The following NCOR2 variants were observed in gnomAD, a reference collection of about 807,000 sequenced individuals.
The protein encoded by NCOR2 is CTG repeat protein 26.
In NCOR2, 81 loss-of-function variants were observed where a neutral mutation model predicts 262.9. That is an observed-to-expected ratio of 0.31 (90% CI 0.26 to 0.37). NCOR2 has a LOEUF of 0.37. Ranked by LOEUF, NCOR2 falls within the 10% of genes least tolerant of loss-of-function variation. The pLI, the probability that NCOR2 is intolerant of heterozygous loss-of-function variation, is 1.00. For missense variants in NCOR2, 3,385 were observed against 3,621.4 expected (o/e 0.93, Z 1.68); for synonymous variants, 1,659 against 1,559.3 (o/e 1.06, Z -1.51).
At chr12:124,519,501 C>G (rs549553646) in intron 1 of NCOR2, among the ~76,000 whole-genome samples, 1 of 152,260 alleles carries the variant, frequency 6.6e-6, no homozygotes, top group African/African-American at 2.4e-5. Flanking sequence ...GGTCTGGAGG[C>G]TGGACCACGC....
exon 21 of NCOR2, chr12:124,363,780 T>C: frequency 1.5e-6 from 2 of 1,372,986 alleles, no homozygotes; most frequent in Non-Finnish European, 1.9e-6. Flanking sequence ...GTGAGGAGGC[T>C]GGGCCTTGGG....
At chr12:124,430,835 C>CCCG (rs2043868416) in intron 8 of NCOR2, 48 bp from the exon 11 acceptor site, 1 of 1,546,244 alleles carries the variant, frequency 6.5e-7, no homozygotes, top group Admixed American at 1.9e-5. Flanking sequence ...GCACCTGGCA[C>CCCG]CCGCCGCCTC....
intron 14 of NCOR2, among the ~76,000 whole-genome samples, chr12:124,402,068 C>A (rs181849809): frequency 1.3e-5 from 2 of 152,268 alleles, no homozygotes; most frequent in African/African-American, 4.8e-5. Flanking sequence ...GAGGAAAGAG[C>A]GGGAGGAAGC....
intron 37 of NCOR2, 122 bp downstream of exon 39, chr12:124,339,884 C>G (rs2660386): frequency 0.41 from 186,727 of 451,466 alleles, 55,498 homozygotes; most frequent in Admixed American, 0.53. Context: ...CTTCTACCCC[C>G]ACACATCTGC....
chr12:124,337,635 GC>G (rs1260605162), intron 37 of NCOR2, among the ~76,000 whole-genome samples: 1 of 152,222 alleles, frequency 6.6e-6, no homozygotes, highest in African/African-American at 2.4e-5. Context: ...ACATGAGGGA[GC>G]TGGGCCTGCT....
intron 12 of NCOR2, among the ~76,000 whole-genome samples, chr12:124,420,853 C>G (rs1381854253): frequency 1.3e-5 from 2 of 152,242 alleles, no homozygotes; most frequent in African/African-American, 4.8e-5. Context: ...TCTGTGAGGC[C>G]TCTGAGCTGG....
chr12:124,333,683 C>G (rs1301532255), intron 41 of NCOR2, among the ~76,000 whole-genome samples: 1 of 151,606 alleles, frequency 6.6e-6, no homozygotes, highest in Admixed American at 6.6e-5. Context: ...CACCAAAACG[C>G]CTCCTTCACC....
intron 1 of NCOR2, among the ~76,000 whole-genome samples, chr12:124,532,714 C>CCGATGGA (rs2050877035): frequency 6.6e-6 from 1 of 152,196 alleles, no homozygotes; most frequent in African/African-American, 2.4e-5. Flanking sequence ...GACGGAGACG[C>CCGATGGA]CGATGGACGG....
At chr12:124,420,150 T>C (rs1210532072) in intron 12 of NCOR2, 95 bp from the exon 15 acceptor site, 15 of 1,014,550 alleles carry the variant, frequency 1.5e-5, no homozygotes, top group Non-Finnish European at 2.3e-5. Context: ...ATCCTGCCTC[T>C]TCCACGTACC....
chr12:124,353,495 T>C (rs1457897126), intron 27 of NCOR2, among the ~76,000 whole-genome samples: 2 of 152,252 alleles, frequency 1.3e-5, no homozygotes, highest in Non-Finnish European at 2.9e-5. Flanking sequence ...GAAGCTCCAC[T>C]GTTAGAACAT....
At chr12:124,346,952 C>T in intron 30 of NCOR2, 102 bp from the exon 33 acceptor site, 1 of 1,329,100 alleles carries the variant, frequency 7.5e-7, no homozygotes. Context: ...GAGTTCAAAT[C>T]CCCACTTGCT....
At chr12:124,495,838 C>T (rs139537553), upstream of NCOR2, among the ~76,000 whole-genome samples, 5 of 152,330 alleles carry the variant, frequency 3.3e-5, no homozygotes, top group African/African-American at 4.8e-5. The surrounding 1 kb of genome is among the most constrained non-coding windows in gnomAD (Gnocchi z 4.4). Flanking sequence ...AGGCGGGCCA[C>T]GGGCCACAGG....
At chr12:124,535,166 C>T (rs182946230) in intron 1 of NCOR2, among the ~76,000 whole-genome samples, 7 of 152,228 alleles carry the variant, frequency 4.6e-5, no homozygotes, top group African/African-American at 1.7e-4. Context: ...ACCCAACACC[C>T]GAACACCTGG....
chr12:124,543,759 C>A (rs117468239), intron 1 of NCOR2, among the ~76,000 whole-genome samples: 39 of 152,304 alleles, frequency 2.6e-4, no homozygotes, highest in Non-Finnish European at 5.0e-4. Context: ...CGGGCCACGA[C>A]AGGGCAGGGA....
chr12:124,378,967 C>G lies in NCOR2; in HGVS notation c.2020-583G>C, dbSNP rs967789346. Among the ~76,000 whole-genome samples the G allele has an allele frequency of 4.0e-5, 1 of 24,742 alleles. No homozygotes were observed. The highest frequency in any genetic ancestry group is 1.7e-4 in the Non-Finnish European group (1 of 6,008). The allele number at this position is 24,742 out of a possible 152,430, so 16.2% of individuals were successfully genotyped here. ...CTGGGGAGACTGGCAACGTGCTCCT[C>G]ACACAGAAGCAGCACTCAGAGGATC... On this transcript the variant is annotated intron_variant, in intron 17 of 46. Coordinates refer to ENST00000405201, the Ensembl canonical transcript of NCOR2. The surrounding 1 kb of genome is among the most constrained non-coding windows in gnomAD (Gnocchi z 4.2).
chr12:124,532,930 T>TC (rs1266090196), intron 1 of NCOR2, among the ~76,000 whole-genome samples: 6 of 76,872 alleles, frequency 7.8e-5, no homozygotes, highest in South Asian at 5.1e-4. Context: ...CACTCCTCCT[T>TC]CCCCTCCTCC....
At chr12:124,401,071 C>T (rs1237189750) in intron 14 of NCOR2, among the ~76,000 whole-genome samples, 6 of 152,018 alleles carry the variant, frequency 3.9e-5, no homozygotes, top group African/African-American at 1.2e-4. Context: ...ATTAGCCAGG[C>T]GTGGTGGCAT....
intron 1 of NCOR2, among the ~76,000 whole-genome samples, chr12:124,560,231 T>C (rs952376516): frequency 6.6e-6 from 1 of 152,204 alleles, no homozygotes; most frequent in Non-Finnish European, 1.5e-5. Context: ...AGAGTAAATA[T>C]TTTAGGTTCT....
chr12:124,553,128 G>A (rs896850782), intron 1 of NCOR2, among the ~76,000 whole-genome samples: 5 of 152,128 alleles, frequency 3.3e-5, no homozygotes, highest in East Asian at 1.9e-4. Flanking sequence ...GGCTTCTAGC[G>A]GCTGCCTGCA....
Sources: allele counts gnomAD v4.1 joint callset (sites outside exome capture counted in the v4.1 genomes callset), GRCh38; gene constraint gnomAD v4.1.1; non-coding constraint Gnocchi (gnomAD v3.1); transcripts MANE v1.5; gene names NCBI Gene and HGNC (gene_info 2026-07-23, HGNC 2026-07-21).